Variants in ATP8A2 observed in about 807,000 individuals in gnomAD.
The protein encoded by ATP8A2 is ATPase phospholipid transporting 8A2, also known as phospholipid-transporting ATPase IB.
ATP8A2 carries 100 observed loss-of-function variants against 165.6 expected under a neutral mutation model. The observed-to-expected ratio is 0.60, with a 90% CI of 0.51 to 0.71. The LOEUF (loss-of-function observed/expected upper bound fraction) is 0.71. Among genes scored for constraint, ATP8A2 ranks in the 30% least tolerant of loss-of-function variants. The pLI, the probability that ATP8A2 is intolerant of heterozygous loss-of-function variation, is 0.00. For missense variants in ATP8A2, 1,227 were observed against 1,479.5 expected (o/e 0.83, Z 2.80); for synonymous variants, 543 against 548.8 (o/e 0.99, Z 0.15).
At chr13:25,701,837 T>G (rs2042958250) in intron 25 of ATP8A2, among the ~76,000 whole-genome samples, 1 of 151,646 alleles carries the variant, frequency 6.6e-6, no homozygotes, top group Admixed American at 6.6e-5. Flanking sequence ...ACTTGAAGAC[T>G]TCAAAGGGGA....
chr13:25,697,455 A>G (rs901731467), intron 24 of ATP8A2, among the ~76,000 whole-genome samples: 1 of 152,020 alleles, frequency 6.6e-6, no homozygotes, highest in African/African-American at 2.4e-5. Context: ...TAATTTTTGT[A>G]TTTTTAGTAC....
intron 24 of ATP8A2, among the ~76,000 whole-genome samples, chr13:25,609,534 G>GGGATTCAAATATATACATATATATTT (rs2040604497): frequency 2.4e-5 from 1 of 42,220 alleles, no homozygotes; most frequent in African/African-American, 5.7e-5. Context: ...ATATATATTT[G>GGGATTCAAATATATACATATATATTT]GGATTCAAAT....
intron 24 of ATP8A2, among the ~76,000 whole-genome samples, chr13:25,694,110 C>T (rs2042786074): frequency 6.7e-6 from 1 of 149,694 alleles, no homozygotes; most frequent in Non-Finnish European, 1.5e-5. Flanking sequence ...CTCCTCCTGC[C>T]AAGGAAGAAG....
Position 25,726,044 on chromosome 13 carries a change from C to T in ATP8A2, c.2384+26699C>T, listed in dbSNP as rs148394097. 4.1e-4 allele frequency among the ~76,000 whole-genome samples: 62 copies of T among 152,278 alleles called. 1 individual carries two copies. Among genetic ancestry groups the T allele is most frequent in the African/African-American group, 1.4e-3 (59 of 41,536 alleles). On this transcript the variant is annotated intron_variant, in intron 25 of 36. Transcript: ENST00000381655. ...TTTACCTTTAGTATGTAGATAGACA[C>T]GCATTCAGAAGAAAACGAAGGTGAA...
intron 16 of ATP8A2, among the ~76,000 whole-genome samples, chr13:25,565,056 C>A (rs750941450): frequency 6.6e-6 from 1 of 152,088 alleles, no homozygotes; most frequent in Non-Finnish European, 1.5e-5. Context: ...ATTTTTATGG[C>A]CACGTGGTAT....
At chr13:25,876,873 T>C (rs1566228469) in intron 33 of ATP8A2, among the ~76,000 whole-genome samples, 1 of 152,172 alleles carries the variant, frequency 6.6e-6, no homozygotes, top group Non-Finnish European at 1.5e-5. Context: ...TTCTATAATA[T>C]AAACTAATTG....
At chr13:25,469,263 C>A in intron 2 of ATP8A2, 142 bp downstream of exon 2, 1 of 1,056,132 alleles carries the variant, frequency 9.5e-7, no homozygotes, top group Non-Finnish European at 1.3e-6. Context: ...CCTCCCCACC[C>A]CACTAGCCCG....
chr13:25,421,487 A>G (rs968813557), intron 1 of ATP8A2, among the ~76,000 whole-genome samples: 1 of 152,094 alleles, frequency 6.6e-6, no homozygotes, highest in African/African-American at 2.4e-5. Context: ...GGCCCATGCC[A>G]CTGCACCTGG....
At chr13:25,893,806 G>A (rs1482689064) in intron 33 of ATP8A2, among the ~76,000 whole-genome samples, 1 of 152,138 alleles carries the variant, frequency 6.6e-6, no homozygotes, top group Non-Finnish European at 1.5e-5. Flanking sequence ...GGCCAGTGAT[G>A]ATGAGCATTT....
intron 33 of ATP8A2, chr13:25,950,950 C>G (rs1047469547): frequency 1.6e-4 from 25 of 152,220 alleles, no homozygotes; most frequent in Admixed American, 4.6e-4. Context: ...CACTCCCTTT[C>G]CCCCATGAGC....
At chr13:25,623,067 C>G (rs1031031959) in intron 24 of ATP8A2, among the ~76,000 whole-genome samples, 3 of 152,122 alleles carry the variant, frequency 2.0e-5, no homozygotes, top group African/African-American at 4.8e-5. Flanking sequence ...ACCCTCACTT[C>G]AAAAGAAATT....
At chr13:25,983,754 A>G (rs1566326229) in intron 35 of ATP8A2, among the ~76,000 whole-genome samples, 1 of 152,198 alleles carries the variant, frequency 6.6e-6, no homozygotes, top group Non-Finnish European at 1.5e-5. Flanking sequence ...GCCAGAGGTC[A>G]AGCTGAGCAT....
At chr13:25,587,212 T>A (rs1369936877) in intron 23 of ATP8A2, among the ~76,000 whole-genome samples, 1 of 152,046 alleles carries the variant, frequency 6.6e-6, no homozygotes, top group Non-Finnish European at 1.5e-5. Flanking sequence ...AATAAATAAT[T>A]TGCTACATTA....
At chr13:25,913,757 T>C (rs1217565525) in intron 33 of ATP8A2, among the ~76,000 whole-genome samples, 2 of 152,170 alleles carry the variant, frequency 1.3e-5, no homozygotes, top group Non-Finnish European at 2.9e-5. Context: ...TTGAAGTGAT[T>C]TGAGTTAGGA....
chr13:25,932,352 G>T (rs1748101), intron 33 of ATP8A2, among the ~76,000 whole-genome samples: 78,780 of 151,974 alleles, frequency 0.52, 21,139 homozygotes, highest in East Asian at 0.76. Context: ...TGTCTGTTTT[G>T]TCGCAGCTTC....
intron 35 of ATP8A2, among the ~76,000 whole-genome samples, chr13:25,994,292 A>T (rs9578948): frequency 0.026 from 3,935 of 151,978 alleles, 164 homozygotes; most frequent in African/African-American, 0.089. Flanking sequence ...ATTTCTTGGG[A>T]TTTTCCAGAC....
intron 25 of ATP8A2, among the ~76,000 whole-genome samples, chr13:25,706,015 T>C (rs1593226695): frequency 6.6e-6 from 1 of 152,310 alleles, no homozygotes; most frequent in South Asian, 2.1e-4. Context: ...CATAAAACAA[T>C]AATGGATTCA....
chr13:25,841,961 A>G (rs1412386391), intron 30 of ATP8A2, among the ~76,000 whole-genome samples: 12 of 152,118 alleles, frequency 7.9e-5, no homozygotes, highest in Non-Finnish European at 1.3e-4. Flanking sequence ...GCATTAATTT[A>G]TTCATGAGGG....
intron 10 of ATP8A2, among the ~76,000 whole-genome samples, chr13:25,546,515 T>C (rs546966566): frequency 1.7e-3 from 63 of 36,612 alleles, no homozygotes; most frequent in African/African-American, 6.3e-3. Flanking sequence ...TTCTTCTACC[T>C]TTTTTTTTTT....
Sources: gnomAD v4.1 joint callset for allele counts (sites outside exome capture counted in the v4.1 genomes callset) on GRCh38, gnomAD v4.1.1 for gene constraint, MANE v1.5 for transcripts, NCBI Gene and HGNC (gene_info 2026-07-23, HGNC 2026-07-21) for gene names.